SUN3: variants seen among roughly 807,000 people sequenced by gnomAD.
SUN3 encodes the protein Sad1 and UNC84 domain containing 3.
Under a neutral mutation model 48.2 loss-of-function variants are expected in SUN3, and 36 were observed. The observed-to-expected ratio is 0.75, with a 90% CI of 0.57 to 0.99. SUN3 has a LOEUF of 0.99. Ranked by LOEUF, SUN3 falls within the 50% of genes least tolerant of loss-of-function variation. The probability of loss-of-function intolerance (pLI) is 0.00; values close to 1 mark genes in which losing one functional copy is unlikely to be tolerated. For missense variants in SUN3, 419 were observed against 433.1 expected, an observed-to-expected ratio of 0.97 and a Z score of 0.29; for synonymous variants, 148 against 147.9, an observed-to-expected ratio of 1.00 and a Z score of 0.00.
At chr7:48,009,180 A>G (rs969360868) in intron 3 of SUN3, 105 bp from the exon 4 acceptor site, 1 of 1,113,224 alleles carries the variant, frequency 9.0e-7, no homozygotes, top group East Asian at 2.5e-5. Context: ...GACTCCTGAT[A>G]TACAGATGTG....
chr7:47,998,219 G>A (rs749653252), intron 6 of SUN3, among the ~76,000 whole-genome samples: 12 of 152,158 alleles, frequency 7.9e-5, no homozygotes, highest in Non-Finnish European at 8.8e-5. Context: ...TTGTTCATGC[G>A]GTTGCCAGCA....
Position 47,994,435 on chromosome 7 carries a change from A to G in SUN3, c.741T>C (p.Gly247=). 1 of 1,611,194 alleles carries G rather than the reference A, an allele frequency of 6.2e-7. No individual in the cohort carries two copies. The highest frequency in any genetic ancestry group is 8.5e-7 in the Non-Finnish European group (1 of 1,179,072). ...GKCWAFPGSQ[G]HTLIKLATKI... ...TTGTAGCAAGCTTGATTAGGGTATG[A>G]CCCTGGGAACCTGGAAAAGCCCAGC... Residue 247 remains glycine (G), a synonymous_variant, in exon 8 of 10, where the codon GGT becomes GGC. Transcript: ENST00000297325.
At chr7:48,016,708 G>A (rs1421494192) in intron 3 of SUN3, among the ~76,000 whole-genome samples, 1 of 152,222 alleles carries the variant, frequency 6.6e-6, no homozygotes, top group Non-Finnish European at 1.5e-5. Context: ...TTGGGGAAGT[G>A]TGGAGAATTT....
intron 2 of SUN3, among the ~76,000 whole-genome samples, chr7:48,018,071 A>G (rs777320649): frequency 1.3e-5 from 2 of 152,228 alleles, no homozygotes; most frequent in Non-Finnish European, 2.9e-5. Context: ...GACTGGACGC[A>G]TGTTCATAAA....
intron 8 of SUN3, among the ~76,000 whole-genome samples, chr7:47,989,147 T>C (rs1788982769): frequency 6.6e-6 from 1 of 152,110 alleles, no homozygotes; most frequent in Admixed American, 6.6e-5. Context: ...GATAGATCCA[T>C]AGATAGATAG....
chr7:48,028,745 A>G, intron 1 of SUN3, 72 bp downstream of exon 1: 2 of 1,571,204 alleles, frequency 1.3e-6, no homozygotes, highest in Non-Finnish European at 1.7e-6. Context: ...TAACAGATGA[A>G]CAGACACAAG....
At chr7:48,004,109 G>T (rs1451859618) in intron 6 of SUN3, among the ~76,000 whole-genome samples, 1 of 152,024 alleles carries the variant, frequency 6.6e-6, no homozygotes, top group East Asian at 1.9e-4. Flanking sequence ...TTCATTTCAA[G>T]TGTACTTACT....
chr7:48,022,544 C>G (rs1790029363), intron 2 of SUN3, among the ~76,000 whole-genome samples: 1 of 151,894 alleles, frequency 6.6e-6, no homozygotes, highest in Non-Finnish European at 1.5e-5. Flanking sequence ...AGTATATATA[C>G]TATGTACCCA....
chr7:48,005,386 A>G (rs945141503), intron 6 of SUN3, among the ~76,000 whole-genome samples: 3 of 152,172 alleles, frequency 2.0e-5, no homozygotes, highest in African/African-American at 7.2e-5. Context: ...TTGACTATCA[A>G]TTGATTAAAA....
chr7:48,033,096 G>A (rs1207214071), upstream of SUN3, among the ~76,000 whole-genome samples: 1 of 152,174 alleles, frequency 6.6e-6, no homozygotes, highest in East Asian at 1.9e-4. Context: ...TACTGAGGCC[G>A]ATTATGTGGT....
intron 6 of SUN3, among the ~76,000 whole-genome samples, chr7:48,001,528 T>TTTTC (rs1789369926): frequency 8.4e-6 from 1 of 119,634 alleles, no homozygotes; most frequent in Non-Finnish European, 1.8e-5. Flanking sequence ...TTCTGTTTTT[T>TTTTC]TTGTTTTTTT....
At chr7:48,012,318 G>A (rs1023927295) in intron 3 of SUN3, among the ~76,000 whole-genome samples, 10 of 152,134 alleles carry the variant, frequency 6.6e-5, no homozygotes, top group Admixed American at 4.6e-4. Flanking sequence ...CCTGAGACAC[G>A]AAGGCGTCAG....
At position 47,994,341 on chromosome 7, in the gene SUN3, T is replaced by G. The variant is rs762630332; in HGVS notation, c.835A>C (p.Ser279Arg). 4.3e-6 allele frequency: 7 copies of G among 1,613,640 alleles called. No individual in the cohort carries two copies. In the South Asian group the frequency reaches 6.6e-5, roughly 15 times the overall value. The part of the protein sequence containing the change: ...EKVSPSGNIS[S>R]APKEFSVYGI... The stretch of plus-strand genomic sequence containing the variant: ...TAGACAGAAAATTCCTTGGGTGCAC[T>G]GGAGATGTTTCCTGACGGAGACACC... The change falls in exon 8 of 10, where the codon AGT (serine) becomes CGT (arginine). Residue 279 changes from serine (S) to arginine (R), a missense_variant. Ser to Arg is a moderately radical substitution (Grantham distance 110, BLOSUM62 -1). Transcript: ENST00000297325.
chr7:48,006,911 C>T (rs1022578666), intron 5 of SUN3, among the ~76,000 whole-genome samples: 2 of 151,698 alleles, frequency 1.3e-5, no homozygotes, highest in Non-Finnish European at 2.9e-5. Flanking sequence ...TTCTTTCTTT[C>T]TTTTACTGGA....
intron 2 of SUN3, among the ~76,000 whole-genome samples, chr7:48,017,854 A>G (rs73335802): frequency 0.07 from 10,618 of 152,230 alleles, 1,233 homozygotes; most frequent in African/African-American, 0.24. Context: ...TTCCACGCCT[A>G]TAGCTTTCTA....
chr7:48,006,369 G>T (rs991908288), intron 5 of SUN3, among the ~76,000 whole-genome samples: 2 of 152,148 alleles, frequency 1.3e-5, no homozygotes, highest in South Asian at 4.1e-4. Context: ...TCCCGGTGAG[G>T]TGCTGTGACC....
rs1371283942 is a variant in SUN3 at position 47,989,097 on chromosome 7, GACAC to G, written c.862-221_862-218del. On this transcript the variant is annotated intron_variant, in intron 8 of 9. Coordinates refer to ENST00000297325, the MANE Select transcript of SUN3 (RefSeq NM_001030019.2). ...TGACTAAAAGGATAGAAGATGGATG[GACAC>G]ACAGACAGATAGATAGATAGATAGA... The G allele has an allele frequency of 5.2e-5, 20 of 382,340 alleles. No homozygotes were observed. In the East Asian group the frequency reaches 7.2e-4, roughly 14 times the overall value. The allele number at this position is 382,340 out of a possible 1,614,324, so 23.7% of individuals were successfully genotyped here.
chr7:48,033,708 A>G (rs1790281277), upstream of SUN3, among the ~76,000 whole-genome samples: 1 of 152,164 alleles, frequency 6.6e-6, no homozygotes, highest in Admixed American at 6.5e-5. Context: ...TGGAGAATAG[A>G]GATGCTCTTT....
chr7:48,002,596 T>C (rs959674745), intron 6 of SUN3, among the ~76,000 whole-genome samples: 2 of 152,214 alleles, frequency 1.3e-5, no homozygotes, highest in Middle Eastern at 3.2e-3. Flanking sequence ...TTCTTGTAAA[T>C]TTGTGTAAGT....
Sources: gnomAD v4.1 joint callset for allele counts (sites outside exome capture counted in the v4.1 genomes callset) on GRCh38, gnomAD v4.1.1 for gene constraint, MANE v1.5 for transcripts, NCBI Gene and HGNC (gene_info 2026-07-23, HGNC 2026-07-21) for gene names.